The following GPC5 variants were observed in gnomAD, a reference collection of about 807,000 sequenced individuals.
GPC5 encodes glypican-5.
GPC5 carries 47 observed loss-of-function variants against 53.9 expected under a neutral mutation model. That is an observed-to-expected ratio of 0.87 (90% CI 0.69 to 1.11). The LOEUF (loss-of-function observed/expected upper bound fraction) is 1.11, where lower values mean the gene tolerates loss of function less well. Ranked by LOEUF, GPC5 falls within the 50% of genes most tolerant of loss-of-function variation. GPC5 has a pLI of 0.00. For synonymous variants in GPC5, 286 were observed against 263.3 expected, an observed-to-expected ratio of 1.09 and a Z score of -0.84; for missense variants, 748 against 713.1, an observed-to-expected ratio of 1.05 and a Z score of -0.56.
chr13:92,398,007 A>C (rs555722305), intron 7 of GPC5, among the ~76,000 whole-genome samples: 23 of 152,320 alleles, frequency 1.5e-4, no homozygotes, highest in African/African-American at 5.5e-4. Context: ...TGAGGATCTG[A>C]GTGCAGGGGG....
At chr13:92,680,625 A>T (rs922000880) in intron 7 of GPC5, among the ~76,000 whole-genome samples, 2 of 152,208 alleles carry the variant, frequency 1.3e-5, no homozygotes, top group African/African-American at 4.8e-5. Flanking sequence ...AGTGTGGTGT[A>T]ATTAGCACAA....
intron 4 of GPC5, among the ~76,000 whole-genome samples, chr13:91,741,944 A>G (rs1391119804): frequency 6.6e-6 from 1 of 152,320 alleles, no homozygotes; most frequent in Non-Finnish European, 1.5e-5. Context: ...TTGAGGTGCC[A>G]TCATTATTTA....
chr13:92,384,518 A>G (rs558070549), intron 7 of GPC5, among the ~76,000 whole-genome samples: 91 of 152,292 alleles, frequency 6.0e-4, no homozygotes, highest in Non-Finnish European at 1.1e-3. Context: ...GTTTTATTCT[A>G]TGATATTTTG....
chr13:91,763,632 T>G (rs2037461893), intron 5 of GPC5, among the ~76,000 whole-genome samples: 1 of 152,236 alleles, frequency 6.6e-6, no homozygotes, highest in African/African-American at 2.4e-5. Context: ...GTATGGCTGA[T>G]GGTTTGAAAT....
chr13:92,090,356 G>A (rs2041370080), intron 6 of GPC5, among the ~76,000 whole-genome samples: 1 of 151,966 alleles, frequency 6.6e-6, no homozygotes, highest in Admixed American at 6.6e-5. Context: ...TTGCAGGTGG[G>A]GCCTTAGAGG....
chr13:92,781,913 C>T (rs997234310), intron 7 of GPC5, among the ~76,000 whole-genome samples: 3 of 151,992 alleles, frequency 2.0e-5, no homozygotes, highest in African/African-American at 7.3e-5. Flanking sequence ...AAGGTAATTG[C>T]CAAAATAATT....
intron 6 of GPC5, among the ~76,000 whole-genome samples, chr13:91,909,029 A>G (rs2039583388): frequency 6.6e-6 from 1 of 152,134 alleles, no homozygotes. Flanking sequence ...GAGTCCCTAT[A>G]TCTCAAGGAA....
chr13:92,061,784 A>T (rs1446321410), intron 6 of GPC5, among the ~76,000 whole-genome samples: 1 of 151,902 alleles, frequency 6.6e-6, no homozygotes, highest in Non-Finnish European at 1.5e-5. Flanking sequence ...ATCTCTTAGG[A>T]TCCATTACTA....
chr13:91,538,878 C>T (rs9523354), intron 2 of GPC5, among the ~76,000 whole-genome samples: 66,729 of 151,190 alleles, frequency 0.44, 18,023 homozygotes, highest in East Asian at 0.7. Context: ...TGTGAGCCAC[C>T]GTGCCCAGCC....
intron 7 of GPC5, among the ~76,000 whole-genome samples, chr13:92,559,809 G>A (rs183624805): frequency 5.3e-5 from 8 of 151,420 alleles, no homozygotes; most frequent in Admixed American, 4.6e-4. Context: ...CATGTCTGCT[G>A]CCTACAGGGC....
At chr13:92,031,711 TTAC>T (rs2040844267) in intron 6 of GPC5, among the ~76,000 whole-genome samples, 1 of 61,798 alleles carries the variant, frequency 1.6e-5, no homozygotes, top group Non-Finnish European at 3.0e-5. Flanking sequence ...ATTATATATA[TTAC>T]ATATATGTAA....
intron 3 of GPC5, among the ~76,000 whole-genome samples, chr13:91,695,301 G>C (rs1275168675): frequency 6.6e-6 from 1 of 152,146 alleles, no homozygotes; most frequent in South Asian, 2.1e-4. Context: ...ACCAATGACT[G>C]CTGTGGTTTC....
Position 91,889,012 on chromosome 13 carries a change from G to A in GPC5, c.1281-18925G>A, listed in dbSNP as rs73626720. Among the ~76,000 whole-genome samples the A allele has an allele frequency of 2.2e-3, 334 of 152,274 alleles. 2 individuals carry two copies. The highest frequency in any genetic ancestry group is 7.6e-3 in the African/African-American group (315 of 41,562). On this transcript the variant is annotated intron_variant, in intron 5 of 7. Transcript: ENST00000377067. ...GCTGGAGTTATGAATTGCTAGACTGGCAATTTGTAATTGGCAAATTCTACT... is the reference window on the plus strand; with the variant it reads ...GCTGGAGTTATGAATTGCTAGACTGACAATTTGTAATTGGCAAATTCTACT...
chr13:92,423,843 C>T (rs190763426), intron 7 of GPC5, among the ~76,000 whole-genome samples: 1 of 152,128 alleles, frequency 6.6e-6, no homozygotes, highest in African/African-American at 2.4e-5. Flanking sequence ...GAAGATTGCT[C>T]AGACAGCATG....
chr13:91,484,241 G>T (rs532632219), intron 2 of GPC5, among the ~76,000 whole-genome samples: 1 of 152,238 alleles, frequency 6.6e-6, no homozygotes, highest in South Asian at 2.1e-4. Context: ...CATCCCTAGG[G>T]CCAGGGACAA....
intron 7 of GPC5, among the ~76,000 whole-genome samples, chr13:92,290,819 CTG>C (rs1435582914): frequency 6.6e-6 from 1 of 152,220 alleles, no homozygotes; most frequent in East Asian, 1.9e-4. Context: ...CGCTGCTGCA[CTG>C]TGAGAGCCCC....
intron 2 of GPC5, among the ~76,000 whole-genome samples, chr13:91,660,170 A>G (rs2034952417): frequency 6.6e-6 from 1 of 152,180 alleles, no homozygotes; most frequent in South Asian, 2.1e-4. Context: ...ATTGGAGGTT[A>G]TCAGTTATTG....
intron 7 of GPC5, among the ~76,000 whole-genome samples, chr13:92,482,470 T>A (rs1457701505): frequency 6.6e-6 from 1 of 152,216 alleles, no homozygotes; most frequent in East Asian, 1.9e-4. Flanking sequence ...GAAGTTAGGA[T>A]TAAGCTCAAA....
chr13:91,662,853 T>G (rs2035017845), intron 2 of GPC5, among the ~76,000 whole-genome samples: 1 of 152,218 alleles, frequency 6.6e-6, no homozygotes, highest in South Asian at 2.1e-4. Flanking sequence ...TCATTACTCT[T>G]TCAAGCTTAA....
Sources: allele counts gnomAD v4.1 joint callset (sites outside exome capture counted in the v4.1 genomes callset), GRCh38; gene constraint gnomAD v4.1.1; transcripts MANE v1.5; gene names NCBI Gene and HGNC (gene_info 2026-07-23, HGNC 2026-07-21).